The following SNCAIP variants were observed in gnomAD, a reference collection of about 807,000 sequenced individuals.
SNCAIP encodes the protein synuclein alpha interacting protein, also known as synphilin-1.
Under a neutral mutation model 86.7 loss-of-function variants are expected in SNCAIP, and 43 were observed. The observed-to-expected ratio is 0.50, with a 90% CI of 0.39 to 0.64. The LOEUF is 0.64. Ranked by LOEUF, SNCAIP falls within the 30% of genes least tolerant of loss-of-function variation. The pLI is 0.00. For synonymous variants in SNCAIP, 417 were observed against 427.2 expected, an observed-to-expected ratio of 0.98 and a Z score of 0.29; for missense variants, 981 against 1,103.1, an observed-to-expected ratio of 0.89 and a Z score of 1.57.
Position 122,391,105 on chromosome 5 carries a change from G to T in SNCAIP, c.-30G>T. 6.3e-7 allele frequency: 1 copy of T among 1,580,766 alleles called. No individual in the cohort carries two copies. The highest frequency in any genetic ancestry group is 1.1e-5 in the South Asian group (1 of 90,402). The stretch of plus-strand genomic sequence containing the variant: ...CTCGTTCAGGAATTTATAAGTATTT[G>T]ACCGTACTCAAAATGTGCAAGGAAG... On this transcript the variant is annotated 5_prime_UTR_variant, in exon 2 of 11. Coordinates refer to ENST00000261368, the MANE Select transcript of SNCAIP (RefSeq NM_005460.4).
chr5:122,354,142 C>T (rs1760508618), intron 1 of SNCAIP, among the ~76,000 whole-genome samples: 1 of 152,172 alleles, frequency 6.6e-6, no homozygotes, highest in Admixed American at 6.5e-5. Context: ...CCAGCTGACA[C>T]ATTTACGTGA....
chr5:122,359,405 T>A (rs1761778282), intron 1 of SNCAIP, among the ~76,000 whole-genome samples: 1 of 135,936 alleles, frequency 7.4e-6, no homozygotes. Flanking sequence ...GCTCTGTCGC[T>A]CAGGCTGGAG....
At chr5:122,437,709 C>T (rs745318362) in intron 6 of SNCAIP, among the ~76,000 whole-genome samples, 1 of 152,132 alleles carries the variant, frequency 6.6e-6, no homozygotes, top group Non-Finnish European at 1.5e-5. Context: ...GAAGAGTTAT[C>T]CATGCCTTCC....
chr5:122,323,857 T>G (rs1753480765), intron 1 of SNCAIP, among the ~76,000 whole-genome samples: 1 of 152,226 alleles, frequency 6.6e-6, no homozygotes, highest in Non-Finnish European at 1.5e-5. Context: ...GCTTTACTTT[T>G]CTTTCTCCTC....
chr5:122,331,427 C>G (rs10066104), intron 1 of SNCAIP, among the ~76,000 whole-genome samples: 7,284 of 152,228 alleles, frequency 0.048, 589 homozygotes, highest in African/African-American at 0.17. Flanking sequence ...TTAGTCTCTA[C>G]ATATTTTCAA....
intron 3 of SNCAIP, among the ~76,000 whole-genome samples, chr5:122,409,602 A>G (rs1240024515): frequency 6.6e-6 from 1 of 152,244 alleles, no homozygotes; most frequent in African/African-American, 2.4e-5. Context: ...AGTACTTTTT[A>G]AACTTGGTGT....
Position 122,444,627 on chromosome 5 carries a change from G to T in SNCAIP, c.1487G>T (p.Ser496Ile). 1 of 1,614,146 alleles carries T rather than the reference G, an allele frequency of 6.2e-7. No individual in the cohort carries two copies. The highest frequency in any genetic ancestry group is 8.5e-7 in the Non-Finnish European group (1 of 1,179,990). The change falls in exon 8 of 11, where the codon AGC becomes ATC. Residue 496 changes from serine to isoleucine, a missense_variant. Ser to Ile is a moderately radical substitution (Grantham distance 142). Transcript: ENST00000261368. ...CACGCTGGGGAAAAGCCCTCCCAGA[G>T]CGCCGAGCGGCAGGGGCACACCCTG... ...QNHAGEKPSQ[S>I]AERQGHTLCS... is the part of the protein sequence containing the mutation.
intron 1 of SNCAIP, among the ~76,000 whole-genome samples, chr5:122,315,266 T>C (rs1751468103): frequency 6.6e-6 from 1 of 152,228 alleles, no homozygotes; most frequent in East Asian, 1.9e-4. Context: ...CTGGCAGTTA[T>C]CAGACTGTTG....
chr5:122,352,578 A>T (rs1295195750), intron 1 of SNCAIP, among the ~76,000 whole-genome samples: 2 of 152,248 alleles, frequency 1.3e-5, no homozygotes, highest in Non-Finnish European at 2.9e-5. Context: ...TCCTTGTCTT[A>T]GTCCATTCAT....
chr5:122,461,984 G>A (rs1001446331), intron 10 of SNCAIP, among the ~76,000 whole-genome samples: 1 of 152,082 alleles, frequency 6.6e-6, no homozygotes, highest in African/African-American at 2.4e-5. Context: ...AGAGTTTTAT[G>A]TGCAAATCTT....
chr5:122,443,522 T>TA (rs1278283840), intron 7 of SNCAIP: 5 of 443,730 alleles, frequency 1.1e-5, no homozygotes, highest in Non-Finnish European at 2.3e-5. Context: ...CAAGCCTCTT[T>TA]AAAATCTCAG....
chr5:122,361,667 C>G (rs1323590564), intron 1 of SNCAIP, among the ~76,000 whole-genome samples: 5 of 152,144 alleles, frequency 3.3e-5, no homozygotes, highest in African/African-American at 1.2e-4. Flanking sequence ...TGTGGAGTTA[C>G]TGTCATCCTC....
At chr5:122,328,362 A>T (rs1754556915) in intron 1 of SNCAIP, among the ~76,000 whole-genome samples, 1 of 152,208 alleles carries the variant, frequency 6.6e-6, no homozygotes, top group Admixed American at 6.5e-5. Context: ...GCACCCGCAA[A>T]GTAAACTCAT....
At chr5:122,362,509 T>G (rs1211227099) in intron 1 of SNCAIP, among the ~76,000 whole-genome samples, 2 of 152,226 alleles carry the variant, frequency 1.3e-5, no homozygotes, top group Admixed American at 1.3e-4. Context: ...AGAGGAACTC[T>G]GCAGTATTGA....
intron 3 of SNCAIP, among the ~76,000 whole-genome samples, chr5:122,412,363 T>C (rs1234764491): frequency 6.6e-6 from 1 of 152,184 alleles, no homozygotes; most frequent in Non-Finnish European, 1.5e-5. Context: ...AGGTCACGGC[T>C]TCCATGCTGT....
intron 1 of SNCAIP, among the ~76,000 whole-genome samples, chr5:122,373,148 A>G (rs1377870088): frequency 6.6e-6 from 1 of 152,156 alleles, no homozygotes; most frequent in East Asian, 1.9e-4. Flanking sequence ...TCTCCATCAC[A>G]GTTTTTGAAA....
intron 6 of SNCAIP, among the ~76,000 whole-genome samples, chr5:122,433,362 A>AG (rs1778791180): frequency 6.6e-6 from 1 of 152,142 alleles, no homozygotes; most frequent in Non-Finnish European, 1.5e-5. Context: ...ACATGGTCTA[A>AG]TGGCTAGTAA....
chr5:122,376,868 T>C (rs948368609), intron 1 of SNCAIP, among the ~76,000 whole-genome samples: 8 of 152,102 alleles, frequency 5.3e-5, no homozygotes, highest in African/African-American at 2.4e-5. Context: ...CATGGGTGTT[T>C]GTCAATGCCA....
At position 122,423,123 on chromosome 5, in the gene SNCAIP, C is replaced by T; in HGVS notation, c.386C>T (p.Pro129Leu). Residue 129 changes from proline to leucine, a missense_variant, in exon 4 of 11, where the codon CCA (proline) becomes CTA (leucine). By Grantham distance (98) the Pro-to-Leu change is moderately conservative. Coordinates refer to ENST00000261368, the MANE Select transcript of SNCAIP (RefSeq NM_005460.4). ...GGCCCTGGAGATGGAGTGGGCGGCCCACCAGGTAAGAGCTCTGAGCCCAGC... is the reference window on the plus strand; with the variant it reads ...GGCCCTGGAGATGGAGTGGGCGGCCTACCAGGTAAGAGCTCTGAGCCCAGC... ...ELGPGDGVGG[P>L]PGKSSEPSTS... The T allele has an allele frequency of 6.2e-7, 1 of 1,614,130 alleles. No homozygotes were observed. Among genetic ancestry groups the T allele is most frequent in the South Asian group, 1.1e-5 (1 of 91,072 alleles).
Sources: gnomAD v4.1 joint callset for allele counts (sites outside exome capture counted in the v4.1 genomes callset) on GRCh38, gnomAD v4.1.1 for gene constraint, MANE v1.5 for transcripts, NCBI Gene and HGNC (gene_info 2026-07-23, HGNC 2026-07-21) for gene names.